The following FCMR variants were observed in gnomAD, a reference collection of about 807,000 sequenced individuals.
FCMR encodes immunoglobulin mu Fc receptor.
Under a neutral mutation model 41.6 loss-of-function variants are expected in FCMR, and 34 were observed. That is an observed-to-expected ratio of 0.82 (90% CI 0.62 to 1.09). The LOEUF is 1.09. Among genes scored for constraint, FCMR ranks in the 50% least tolerant of loss-of-function variants. FCMR has a pLI of 0.00. For synonymous variants in FCMR, 209 were observed against 211.8 expected (o/e 0.99, Z 0.12); for missense variants, 496 against 512.5 (o/e 0.97, Z 0.31).
chr1:206,917,429 G>C (rs1046818310), intron 1 of FCMR, among the ~76,000 whole-genome samples: 5 of 152,138 alleles, frequency 3.3e-5, no homozygotes, highest in African/African-American at 9.7e-5. Flanking sequence ...CAGGCCTGCA[G>C]CCTGTCACAA....
intron 7 of FCMR, among the ~76,000 whole-genome samples, chr1:206,907,094 G>A (rs1558645952): frequency 0.016 from 852 of 54,030 alleles, 20 homozygotes; most frequent in African/African-American, 0.081. Context: ...GGGTGGGGGG[G>A]TGGGGGGGTG....
At chr1:206,905,967 A>T (rs1160348687) in intron 7 of FCMR, 1 of 180,548 alleles carries the variant, frequency 5.5e-6, no homozygotes, top group Non-Finnish European at 1.2e-5. Flanking sequence ...CAGAAAAGAA[A>T]AAAAGAGAGA....
At position 206,909,653 on chromosome 1, in the gene FCMR, C is replaced by T; in HGVS notation, c.985+72G>A. The T allele has an allele frequency of 7.4e-7, 1 of 1,350,356 alleles. No individual in the cohort carries two copies. The highest frequency in any genetic ancestry group is 4.0e-5 in the Admixed American group (1 of 24,794). The allele number at this position is 1,350,356 out of a possible 1,614,324, so 83.6% of individuals were successfully genotyped here. A position where few individuals can be genotyped will look rare whatever the true frequency, so the allele number is the denominator to read the frequency against. Reference sequence around the variant, plus strand: ...GAAGCCCTGGCACCTGGGAGCGCGCCCCGCTGCGCCCGGCTTTCCCGGAGC... The same window carrying T: ...GAAGCCCTGGCACCTGGGAGCGCGCTCCGCTGCGCCCGGCTTTCCCGGAGC... On this transcript the variant is annotated intron_variant, in intron 6 of 7. Coordinates refer to ENST00000367091, the MANE Select transcript of FCMR (RefSeq NM_005449.5). The surrounding 1 kb of genome is among the most constrained non-coding windows in gnomAD (Gnocchi z 5.0).
chr1:206,909,507 G>T lies in FCMR; in HGVS notation c.999C>A (p.Ala333=). Residue 333 remains alanine (A), a synonymous_variant, in exon 7 of 8, where the codon GCC becomes GCA. Transcript: ENST00000367091. This position sits in a 1 kb window ranked among gnomAD's most constrained non-coding sequence, Gnocchi z 5.0. ...RGADAAGTGE[A]PVPGPGAPLP... The stretch of plus-strand genomic sequence containing the variant: ...ACGGCGCTCCGGGGCCGGGAACGGG[G>T]GCCTCCCCTGTGCCTAGGGAACAGC... The T allele has an allele frequency of 7.7e-7, 1 of 1,291,062 alleles. No individual in the cohort carries two copies. Among genetic ancestry groups the T allele is most frequent in the African/African-American group, 1.5e-5 (1 of 64,764 alleles). The allele number at this position is 1,291,062 out of a possible 1,614,324, so 80.0% of individuals were successfully genotyped here.
intron 7 of FCMR, chr1:206,907,822 A>C: frequency 7.1e-7 from 1 of 1,400,290 alleles, no homozygotes. Flanking sequence ...ACCCTTCCCG[A>C]GGTCCCTACC....
chr1:206,915,468 CTGTA>C (rs1679151778), intron 1 of FCMR, among the ~76,000 whole-genome samples: 1 of 152,048 alleles, frequency 6.6e-6, no homozygotes, highest in Non-Finnish European at 1.5e-5. Context: ...TGTGCACACA[CTGTA>C]TGTGTGCTGG....
Position 206,911,910 on chromosome 1 carries a change from T to G in FCMR, c.530A>C (p.His177Pro), listed in dbSNP as rs1678958873. The G allele has an allele frequency of 6.2e-7, 1 of 1,603,998 alleles. No homozygotes were observed. The highest frequency in any genetic ancestry group is 8.5e-7 in the Non-Finnish European group (1 of 1,177,076). The part of the protein sequence containing the change: ...AQRGKVPPVH[H>P]SSPTTQITHR... ...GGTGATTTGGGTGGTGGGGGAGGAG[T>G]GGTGAACTGGAGGGACCTTGCCCCT... is the stretch of plus-strand genomic sequence containing the variant. Residue 177 changes from histidine to proline, a missense_variant, in exon 4 of 8, where the codon CAC (histidine) becomes CCC (proline). His to Pro is a moderately conservative substitution (Grantham distance 77, BLOSUM62 -2). Coordinates refer to ENST00000367091, the MANE Select transcript of FCMR (RefSeq NM_005449.5).
chr1:206,907,913 T>A, intron 7 of FCMR: 2 of 1,257,746 alleles, frequency 1.6e-6, no homozygotes, highest in East Asian at 4.7e-5. Flanking sequence ...CAGGCCGCCC[T>A]GGACCACCTC....
In FCMR at chr1:206,918,650, AGTGTGTGTGTGTGTGTGTGTGT is replaced by A. The variant is rs10652847; in HGVS notation, c.37+3146_37+3167del. ...GTTAAAGAATCAAGAATAAATTTTA[AGTGTGTGTGTGTGTGTGTGTGT>A]GTGTGTGTGTGTGTCTGTGCATGCT... On this transcript the variant is annotated intron_variant, in intron 1 of 7. Transcript: ENST00000367091. Among the ~76,000 whole-genome samples, 8 of 145,986 alleles carry A rather than the reference AGTGTGTGTGTGTGTGTGTGTGT, an allele frequency of 5.5e-5. No homozygotes were observed. The South Asian group carries it at 1.6e-3, about 29-fold the overall frequency.
intron 7 of FCMR, chr1:206,907,919 A>C (rs980867005): frequency 2.4e-6 from 3 of 1,255,748 alleles, no homozygotes; most frequent in Non-Finnish European, 3.5e-6. Context: ...GCCCTGGACC[A>C]CCTCAAGGTG....
chr1:206,907,120 C>A (rs12121463), intron 7 of FCMR, among the ~76,000 whole-genome samples: 19,928 of 40,490 alleles, frequency 0.49, 3,514 homozygotes, highest in Middle Eastern at 0.62. Context: ...GGGGTGGGGG[C>A]GGGGTGGGGA....
rs1678547525 is a variant in FCMR at position 206,904,818 on chromosome 1, G to A, written c.*201C>T. ...GCCTACAGCTTACCTGTCAACTACA[G>A]GGGGCTGCCAAGGTGTGCAAGACGA... is the stretch of plus-strand genomic sequence containing the variant. On this transcript the variant is annotated 3_prime_UTR_variant, in exon 8 of 8. Coordinates refer to ENST00000367091, the MANE Select transcript of FCMR (RefSeq NM_005449.5). 4 of 589,372 alleles carry A rather than the reference G, an allele frequency of 6.8e-6. No homozygotes were observed. The highest frequency in any genetic ancestry group is 9.1e-6 in the Non-Finnish European group (3 of 328,880). The allele number at this position is 589,372 out of a possible 1,614,324, so 36.5% of individuals were successfully genotyped here.
At chr1:206,913,118 A>G in intron 2 of FCMR, 76 bp from the exon 3 acceptor site, 1 of 1,133,396 alleles carries the variant, frequency 8.8e-7, no homozygotes, top group Non-Finnish European at 1.3e-6. Context: ...AAGCTAATTC[A>G]GCCAAAGTGG....
At chr1:206,921,434 C>T (rs1425122591) in intron 1 of FCMR, 1 of 427,186 alleles carries the variant, frequency 2.3e-6, no homozygotes, top group African/African-American at 2.0e-5. Flanking sequence ...GACTCCATCT[C>T]TACAAAAAAA....
At chr1:206,915,762 T>C (rs1390833646) in intron 1 of FCMR, among the ~76,000 whole-genome samples, 2 of 152,064 alleles carry the variant, frequency 1.3e-5, no homozygotes. Flanking sequence ...GTCCGGGATA[T>C]GAGAGAGAAC....
At chr1:206,911,604 G>C in intron 4 of FCMR, 126 bp downstream of exon 4, 1 of 822,218 alleles carries the variant, frequency 1.2e-6, no homozygotes, top group Middle Eastern at 3.5e-4. Context: ...TATACTCATA[G>C]GTGGTATATT....
At chr1:206,920,320 TA>T (rs1679380385) in intron 1 of FCMR, among the ~76,000 whole-genome samples, 1 of 152,054 alleles carries the variant, frequency 6.6e-6, no homozygotes, top group Non-Finnish European at 1.5e-5. Context: ...CCTGTCACGA[TA>T]GTGCGCACCT....
Position 206,912,957 on chromosome 1 carries a change from A to G in FCMR, c.459T>C (p.Tyr153=), listed in dbSNP as rs139474303. The G allele has an allele frequency of 4.0e-4, 641 of 1,613,504 alleles. 7 individuals are homozygous for G. The African/African-American group carries it at 5.9e-3, about 15-fold the overall frequency. The part of the protein sequence containing the change: ...HLPYLFQMPA[Y]ASSSKFVTRV... ...TGGTTACGAATTTGGAAGAACTGGC[A>G]TATGCAGGCATCTGGAACAAATAGG... is the stretch of plus-strand genomic sequence containing the variant. Residue 153 remains tyrosine (Y), a synonymous_variant, in exon 3 of 8, where the codon TAT becomes TAC. Transcript: ENST00000367091.
In FCMR at chr1:206,909,853, G is replaced by A; in HGVS notation, c.857C>T (p.Ala286Val). 3 of 1,383,176 alleles carry A rather than the reference G, an allele frequency of 2.2e-6. No individual in the cohort carries two copies. Among genetic ancestry groups the A allele is most frequent in the East Asian group, 3.1e-5 (1 of 32,416 alleles). The allele number at this position is 1,383,176 out of a possible 1,614,324, so 85.7% of individuals were successfully genotyped here. A position where few individuals can be genotyped will look rare whatever the true frequency, so the allele number is the denominator to read the frequency against. ...VERRKALSRR[A>V]RRLAVRMRAL... The stretch of plus-strand genomic sequence containing the variant: ...GCGCATCCTCACGGCCAGTCGGCGG[G>A]CCCGCCTGGAGAGGGCTTCCCCACA... Residue 286 changes from alanine to valine, a missense_variant, in exon 6 of 8, where the codon GCC becomes GTC. Transcript: ENST00000367091. This position sits in a 1 kb window ranked among gnomAD's most constrained non-coding sequence, Gnocchi z 5.0.
Sources: allele counts gnomAD v4.1 joint callset (sites outside exome capture counted in the v4.1 genomes callset), GRCh38; gene constraint gnomAD v4.1.1; non-coding constraint Gnocchi (gnomAD v3.1); transcripts MANE v1.5; gene names NCBI Gene and HGNC (gene_info 2026-07-23, HGNC 2026-07-21).